The following ATP10B variants were observed in gnomAD, a reference collection of about 807,000 sequenced individuals.
The protein encoded by ATP10B is phospholipid-transporting ATPase VB.
Under a neutral mutation model 141.2 loss-of-function variants are expected in ATP10B, and 122 were observed. That is an observed-to-expected ratio of 0.86 (90% CI 0.75 to 1.00). The LOEUF (loss-of-function observed/expected upper bound fraction) is 1.00. Ranked by LOEUF, ATP10B falls within the 50% of genes least tolerant of loss-of-function variation. The probability of loss-of-function intolerance (pLI) is 0.00; values close to 1 mark genes in which losing one functional copy is unlikely to be tolerated. For missense variants in ATP10B, 1,876 were observed against 1,825.3 expected (o/e 1.03, Z -0.51); for synonymous variants, 685 against 692.0 (o/e 0.99, Z 0.16).
intron 22 of ATP10B, among the ~76,000 whole-genome samples, chr5:160,593,860 G>C (rs1374746162): frequency 6.6e-6 from 1 of 152,250 alleles, no homozygotes; most frequent in East Asian, 1.9e-4. Context: ...AACAAACAAA[G>C]CCTCCAAGAA....
intron 1 of ATP10B, among the ~76,000 whole-genome samples, chr5:160,813,899 C>G (rs895453746): frequency 4.6e-5 from 7 of 152,296 alleles, no homozygotes; most frequent in East Asian, 3.9e-4. Context: ...CCAGCAAACT[C>G]CAACAGACCT....
intron 18 of ATP10B, among the ~76,000 whole-genome samples, chr5:160,608,413 C>A (rs568612634): frequency 2.0e-5 from 3 of 152,016 alleles, no homozygotes; most frequent in African/African-American, 7.2e-5. Context: ...TCTTTATAGT[C>A]GCATGATTTA....
intron 2 of ATP10B, among the ~76,000 whole-genome samples, chr5:160,779,935 C>T (rs920986297): frequency 1.6e-4 from 24 of 152,150 alleles, no homozygotes; most frequent in Non-Finnish European, 2.9e-4. Context: ...ATATTTTCTC[C>T]TGGTGAATCC....
intron 2 of ATP10B, among the ~76,000 whole-genome samples, chr5:160,770,031 C>T (rs188398959): frequency 1.1e-4 from 17 of 152,290 alleles, no homozygotes; most frequent in African/African-American, 2.9e-4. Flanking sequence ...TTAAAGCCCA[C>T]GAGAGCCAGT....
the ATP10B span, among the ~76,000 whole-genome samples, chr5:160,874,668 T>C: frequency 1.2e-4 from 18 of 151,816 alleles, no homozygotes; most frequent in South Asian, 2.1e-4. Context: ...ACTAGAATAA[T>C]CAATACAGAG....
At chr5:160,776,772 A>G (rs1246666564) in intron 2 of ATP10B, among the ~76,000 whole-genome samples, 1 of 152,222 alleles carries the variant, frequency 6.6e-6, no homozygotes, top group Non-Finnish European at 1.5e-5. Context: ...TTATAACAAT[A>G]TGTCCATACT....
At chr5:160,715,669 T>C (rs1486215282) in intron 3 of ATP10B, among the ~76,000 whole-genome samples, 2 of 151,858 alleles carry the variant, frequency 1.3e-5, no homozygotes, top group African/African-American at 4.8e-5. Context: ...TGTGACCATT[T>C]TGAGAAGAAT....
At chr5:160,627,292 T>C (rs1758659733) in intron 13 of ATP10B, among the ~76,000 whole-genome samples, 2 of 152,222 alleles carry the variant, frequency 1.3e-5, no homozygotes, top group Admixed American at 1.3e-4. Flanking sequence ...CAGAGAGCAT[T>C]GTCCCATAGT....
intron 1 of ATP10B, among the ~76,000 whole-genome samples, chr5:160,827,991 A>T (rs964587357): frequency 1.3e-5 from 2 of 152,172 alleles, no homozygotes; most frequent in African/African-American, 4.8e-5. Flanking sequence ...TGGTTACTGT[A>T]GCCCTGGCTA....
intron 2 of ATP10B, among the ~76,000 whole-genome samples, chr5:160,737,474 A>G (rs1487230977): frequency 6.6e-6 from 1 of 152,206 alleles, no homozygotes; most frequent in Non-Finnish European, 1.5e-5. Flanking sequence ...ACTTTGTTTG[A>G]AGATATGATC....
At chr5:160,899,346 A>G in the ATP10B span, among the ~76,000 whole-genome samples, 5 of 152,104 alleles carry the variant, frequency 3.3e-5, no homozygotes, top group African/African-American at 9.7e-5. Context: ...AAAAATAAGA[A>G]AGTGGGGAAA....
At chr5:160,619,143 C>G (rs940058837) in intron 15 of ATP10B, among the ~76,000 whole-genome samples, 1 of 152,126 alleles carries the variant, frequency 6.6e-6, no homozygotes, top group East Asian at 1.9e-4. Context: ...TTTAAAGACA[C>G]CAGCTCCTGA....
the ATP10B span, among the ~76,000 whole-genome samples, chr5:160,910,943 T>TA: frequency 2.1e-3 from 313 of 152,332 alleles, 4 homozygotes; most frequent in African/African-American, 7.2e-3. Flanking sequence ...CGTAAGTTCT[T>TA]ACTCTTAGTT....
intron 2 of ATP10B, among the ~76,000 whole-genome samples, chr5:160,758,667 C>T (rs1768809816): frequency 6.6e-6 from 1 of 152,206 alleles, no homozygotes; most frequent in Non-Finnish European, 1.5e-5. Flanking sequence ...TAACCTCTCT[C>T]TTTTCTGACT....
At chr5:160,707,438 C>T (rs1258781407) in intron 3 of ATP10B, among the ~76,000 whole-genome samples, 1 of 152,182 alleles carries the variant, frequency 6.6e-6, no homozygotes, top group African/African-American at 2.4e-5. Context: ...CTTTCTTGCT[C>T]CATTTGAGAT....
At chr5:160,616,330 A>G (rs1392666892) in intron 16 of ATP10B, among the ~76,000 whole-genome samples, 1 of 152,216 alleles carries the variant, frequency 6.6e-6, no homozygotes, top group Non-Finnish European at 1.5e-5. Flanking sequence ...GTGATGGGAT[A>G]GAAGAATAAC....
intron 7 of ATP10B, among the ~76,000 whole-genome samples, chr5:160,663,556 G>C (rs1369243290): frequency 6.6e-6 from 1 of 151,902 alleles, no homozygotes; most frequent in Non-Finnish European, 1.5e-5. Flanking sequence ...ACCAAACACC[G>C]CATGTTCTCA....
At chr5:160,755,740 G>A (rs1280488466) in intron 2 of ATP10B, among the ~76,000 whole-genome samples, 5 of 144,564 alleles carry the variant, frequency 3.5e-5, no homozygotes, top group South Asian at 2.2e-4. Context: ...GCGTGAACTC[G>A]GGAGGCGGAG....
chr5:160,928,065 T>A, the ATP10B span, among the ~76,000 whole-genome samples: 13 of 152,122 alleles, frequency 8.5e-5, no homozygotes. Context: ...GGACCTGATA[T>A]GAGGTGAGGG....
Sources: gnomAD v4.1 joint callset for allele counts (sites outside exome capture counted in the v4.1 genomes callset) on GRCh38, gnomAD v4.1.1 for gene constraint, MANE v1.5 for transcripts, NCBI Gene and HGNC (gene_info 2026-07-23, HGNC 2026-07-21) for gene names.